The following TOPBP1 variants were observed in gnomAD, a reference collection of about 807,000 sequenced individuals.
The protein encoded by TOPBP1 is DNA topoisomerase 2-binding protein 1.
Under a neutral mutation model 167.7 loss-of-function variants are expected in TOPBP1, and 28 were observed. That is an observed-to-expected ratio of 0.17 (90% CI 0.12 to 0.23). TOPBP1 has a LOEUF of 0.23. Among genes scored for constraint, TOPBP1 ranks in the 10% least tolerant of loss-of-function variants. The pLI, the probability that TOPBP1 is intolerant of heterozygous loss-of-function variation, is 1.00. For synonymous variants in TOPBP1, 598 were observed against 611.4 expected (o/e 0.98, Z 0.32); for missense variants, 1,554 against 1,809.6 (o/e 0.86, Z 2.56).
chr3:133,625,178 T>C (rs1935228769), intron 16 of TOPBP1, among the ~76,000 whole-genome samples: 1 of 152,182 alleles, frequency 6.6e-6, no homozygotes, highest in African/African-American at 2.4e-5. Flanking sequence ...TATTGGGCAG[T>C]GGTCTCGAAC....
intron 20 of TOPBP1, 70 bp downstream of exon 20, chr3:133,620,085 T>C: frequency 4.2e-6 from 6 of 1,445,066 alleles, no homozygotes; most frequent in South Asian, 1.4e-5. Context: ...TGGAATTGAG[T>C]CAGCAGCAGG....
intron 12 of TOPBP1, among the ~76,000 whole-genome samples, chr3:133,640,603 G>A (rs1434577516): frequency 6.6e-6 from 1 of 151,994 alleles, no homozygotes; most frequent in Admixed American, 6.6e-5. Context: ...TAGAGATGGG[G>A]TTTCACAATG....
chr3:133,646,915 C>T (rs1936094252), intron 10 of TOPBP1, among the ~76,000 whole-genome samples: 1 of 152,132 alleles, frequency 6.6e-6, no homozygotes, highest in African/African-American at 2.4e-5. Context: ...AAAGTGGTTA[C>T]TAAATCCAGA....
intron 14 of TOPBP1, among the ~76,000 whole-genome samples, chr3:133,636,616 G>A (rs1433015828): frequency 6.6e-6 from 1 of 152,112 alleles, no homozygotes; most frequent in East Asian, 1.9e-4. Flanking sequence ...TTATTGCAAT[G>A]TATCTATATA....
At chr3:133,610,893 A>C in intron 25 of TOPBP1, 111 bp downstream of exon 25, 18 of 1,272,852 alleles carry the variant, frequency 1.4e-5, no homozygotes, top group Non-Finnish European at 1.9e-5. Flanking sequence ...TTTGGGGAAA[A>C]AAGACAAGTA....
chr3:133,651,959 C>T (rs768548994), intron 8 of TOPBP1, among the ~76,000 whole-genome samples: 1 of 152,040 alleles, frequency 6.6e-6, no homozygotes, highest in Non-Finnish European at 1.5e-5. Flanking sequence ...CATAGTGAGA[C>T]CTTGTCTCTA....
At chr3:133,655,865 A>C (rs1936462175) in intron 5 of TOPBP1, among the ~76,000 whole-genome samples, 1 of 152,182 alleles carries the variant, frequency 6.6e-6, no homozygotes, top group Non-Finnish European at 1.5e-5. Context: ...CTATACAAGT[A>C]AAAGCAATGA....
intron 18 of TOPBP1, 29 bp downstream of exon 18, chr3:133,623,282 G>A (rs369634604): frequency 1.2e-6 from 2 of 1,612,970 alleles, no homozygotes; most frequent in Non-Finnish European, 1.7e-6. Context: ...AGCTTAAGAG[G>A]GGGTAAATGT....
rs185386122 is a variant in TOPBP1, at chr3:133,609,720, C to T, written c.4174-758G>A. Among the ~76,000 whole-genome samples, 11 of 152,340 alleles carry T rather than the reference C, an allele frequency of 7.2e-5. No individual in the cohort carries two copies. In the East Asian group the frequency reaches 2.1e-3, roughly 29 times the overall value. The stretch of plus-strand genomic sequence containing the variant: ...CATGTGAAGAAGGACGTGTTTGCTT[C>T]TTACATGACTGTAAGCTTCCTGAGG... On this transcript the variant is annotated intron_variant, in intron 25 of 27. Coordinates refer to ENST00000260810, the MANE Select transcript of TOPBP1 (RefSeq NM_007027.4).
intron 27 of TOPBP1, among the ~76,000 whole-genome samples, chr3:133,605,869 T>C (rs1406452143): frequency 6.6e-6 from 1 of 152,198 alleles, no homozygotes; most frequent in Non-Finnish European, 1.5e-5. Flanking sequence ...GTACTAATTG[T>C]ACTAAGTGAA....
chr3:133,649,406 T>A lies in TOPBP1; in HGVS notation c.1481A>T (p.Tyr494Phe). 1.2e-6 allele frequency: 2 copies of A among 1,613,480 alleles called. No individual in the cohort carries two copies. The highest frequency in any genetic ancestry group is 1.7e-6 in the Non-Finnish European group (2 of 1,179,836). Residue 494 changes from tyrosine to phenylalanine, a missense_variant, in exon 10 of 28, where the codon TAT (tyrosine) becomes TTT (phenylalanine). By Grantham distance (22) the Tyr-to-Phe change is conservative. Around this residue, in one of 3 missense-constraint regions of TOPBP1, gnomAD observed 1,197 missense variants for 1,351.5 expected, o/e 0.89. Transcript: ENST00000260810. ...ACCTACTGTGGAGCTACCATTTTCA[T>A]ATTGAGAGAGCAGATCTTCATCAGC... ...EQADEDLLSQYENGSSTVVEA... is the reference protein window; with the variant it reads ...EQADEDLLSQFENGSSTVVEA...
intron 14 of TOPBP1, among the ~76,000 whole-genome samples, chr3:133,636,886 C>T (rs915684193): frequency 6.6e-6 from 1 of 152,094 alleles, no homozygotes; most frequent in African/African-American, 2.4e-5. Flanking sequence ...GTATTAATCA[C>T]AGTACAAAAT....
Position 133,640,042 on chromosome 3 carries a change from G to C in TOPBP1, c.2150C>G (p.Thr717Ser). ...AGCAGTCTCCAACAGCCAAGCTATA[G>C]TAACGGCAGGTAAATTCCACTTCTT... ...AAKKWNLPAV[T>S]IAWLLETART... The change falls in exon 13 of 28, where the codon ACT (threonine) becomes AGT (serine). Residue 717 changes from threonine (T) to serine (S), a missense_variant. Physicochemically the swap from Thr to Ser is moderately conservative, Grantham distance 58. This residue lies in a region of TOPBP1 where 1,197 missense variants were observed against 1,351.5 expected (regional missense o/e 0.89). Coordinates refer to ENST00000260810, the MANE Select transcript of TOPBP1 (RefSeq NM_007027.4). 6.2e-7 allele frequency: 1 copy of C among 1,613,864 alleles called. No individual in the cohort carries two copies. The highest frequency in any genetic ancestry group is 1.1e-5 in the South Asian group (1 of 91,076).
chr3:133,638,173 A>G lies in TOPBP1; in HGVS notation c.2234-11T>C, dbSNP rs375041075. On this transcript the variant is annotated splice_polypyrimidine_tract_variant and intron_variant, in intron 13 of 27. Coordinates refer to ENST00000260810, the MANE Select transcript of TOPBP1 (RefSeq NM_007027.4). ...TTTCCAAACTTCGTTCTAGAGATTT[A>G]AAATGAAAAGAAACAAATATGAGCC... is the stretch of plus-strand genomic sequence containing the variant. 5 of 1,609,832 alleles carry G rather than the reference A, an allele frequency of 3.1e-6. No individual in the cohort carries two copies. Among genetic ancestry groups the G allele is most frequent in the Non-Finnish European group, 4.2e-6 (5 of 1,177,010 alleles).
At chr3:133,606,129 A>T (rs1576675573) in intron 27 of TOPBP1, among the ~76,000 whole-genome samples, 1 of 152,148 alleles carries the variant, frequency 6.6e-6, no homozygotes, top group East Asian at 1.9e-4. Flanking sequence ...CAGAGGTTGC[A>T]GTAAGCCAAG....
intron 13 of TOPBP1, among the ~76,000 whole-genome samples, chr3:133,639,704 A>G (rs1935826689): frequency 6.6e-6 from 1 of 152,176 alleles, no homozygotes; most frequent in Non-Finnish European, 1.5e-5. Flanking sequence ...GTCTACAGGA[A>G]ACATGCAGAA....
chr3:133,605,468 C>T (rs532620686), intron 27 of TOPBP1, among the ~76,000 whole-genome samples: 1 of 131,082 alleles, frequency 7.6e-6, no homozygotes, highest in Non-Finnish European at 1.6e-5. Flanking sequence ...GGGACTGATA[C>T]ATGAAACTTA....
Position 133,623,986 on chromosome 3 carries a change from G to A in TOPBP1, c.2928+66C>T. On this transcript the variant is annotated intron_variant, in intron 17 of 27. Transcript: ENST00000260810. ...TGAGAGTGAAAACTCTTGAGTTAGT[G>A]CTCTGAAATAATGTTTGTATACATT... 3 of 1,520,966 alleles carry A rather than the reference G, an allele frequency of 2.0e-6. No individual in the cohort carries two copies. In the Admixed American group the frequency reaches 6.3e-5, roughly 32 times the overall value. The allele number at this position is 1,520,966 out of a possible 1,614,324, so 94.2% of individuals were successfully genotyped here. A position where few individuals can be genotyped will look rare whatever the true frequency, so the allele number is the denominator to read the frequency against.
chr3:133,622,185 G>GTTTTTTTT (rs398052284), intron 19 of TOPBP1, among the ~76,000 whole-genome samples: 2 of 106,436 alleles, frequency 1.9e-5, no homozygotes, highest in African/African-American at 3.7e-5. Context: ...CACCATTTAT[G>GTTTTTTTT]TTTTTTTTTT....
Sources: allele counts gnomAD v4.1 joint callset (sites outside exome capture counted in the v4.1 genomes callset), GRCh38; gene constraint gnomAD v4.1.1; regional missense constraint gnomAD v4.1.1; transcripts MANE v1.5; gene names NCBI Gene and HGNC (gene_info 2026-07-23, HGNC 2026-07-21).